Variants in HTT observed in about 807,000 individuals in gnomAD.
HTT encodes huntingtin.
A neutral mutation model predicts 362.3 loss-of-function variants in HTT; 104 were observed. The ratio of observed to expected loss-of-function variants is 0.29; its 90% CI spans 0.24 to 0.34. The LOEUF (loss-of-function observed/expected upper bound fraction) is 0.34. HTT is among the 10% of genes least tolerant of loss of function. The probability of loss-of-function intolerance (pLI) is 1.00; values close to 1 mark genes in which losing one functional copy is unlikely to be tolerated. For missense variants in HTT, 3,301 were observed against 3,928.6 expected (o/e 0.84, Z 4.27); for synonymous variants, 1,577 against 1,548.7 (o/e 1.02, Z -0.43).
chr4:3,155,540 A>G (rs1346844889), intron 27 of HTT, among the ~76,000 whole-genome samples: 2 of 150,800 alleles, frequency 1.3e-5, no homozygotes, highest in Non-Finnish European at 3.0e-5. Context: ...ATTTATTTTT[A>G]ATTGACAAAA....
At chr4:3,192,319 C>T (rs1173227406) in intron 40 of HTT, among the ~76,000 whole-genome samples, 2 of 152,256 alleles carry the variant, frequency 1.3e-5, no homozygotes, top group East Asian at 3.9e-4. Context: ...TTCAGGCGAT[C>T]CTCCTGCCTC....
intron 41 of HTT, among the ~76,000 whole-genome samples, chr4:3,201,529 C>CAAAAAAA (rs925357780): frequency 3.2e-5 from 2 of 61,682 alleles, no homozygotes; most frequent in South Asian, 5.9e-4. Flanking sequence ...GACTCCATCT[C>CAAAAAAA]AAAAAAAAAA....
At chr4:3,182,221 G>T in intron 36 of HTT, 133 bp from the exon 37 acceptor site, 1 of 623,296 alleles carries the variant, frequency 1.6e-6, no homozygotes, top group Non-Finnish European at 2.9e-6. Flanking sequence ...GTGTCCCCCT[G>T]TCCTCGCTGG....
intron 39 of HTT, 101 bp downstream of exon 39, chr4:3,187,987 C>T (rs1718846569): frequency 1.5e-6 from 1 of 688,976 alleles, no homozygotes. Context: ...TCTTGCTTCA[C>T]TTCTGAGTTG....
chr4:3,089,160 A>C (rs182792738), intron 2 of HTT, among the ~76,000 whole-genome samples: 71 of 152,346 alleles, frequency 4.7e-4, no homozygotes, highest in African/African-American at 1.7e-3. Context: ...CATGTGAAAC[A>C]CTGTGAAAAA....
chr4:3,116,010 C>A, intron 7 of HTT, 75 bp from the exon 8 acceptor site: 1 of 1,374,820 alleles, frequency 7.3e-7, no homozygotes, highest in Non-Finnish European at 1.0e-6. Context: ...AGGATCTCTT[C>A]TTTTTTAACA....
chr4:3,148,945 A>G (rs1165305156), intron 26 of HTT, among the ~76,000 whole-genome samples: 1 of 152,256 alleles, frequency 6.6e-6, no homozygotes, highest in Non-Finnish European at 1.5e-5. Flanking sequence ...TGACAGAGTC[A>G]GACTCTTTCC....
chr4:3,198,861 C>T (rs969036018), intron 40 of HTT, among the ~76,000 whole-genome samples: 2 of 152,188 alleles, frequency 1.3e-5, no homozygotes, highest in South Asian at 2.1e-4. Context: ...GCTCCATGGC[C>T]GGGCACAGAG....
chr4:3,171,438 G>T (rs145466571), intron 29 of HTT, among the ~76,000 whole-genome samples: 1 of 151,416 alleles, frequency 6.6e-6, no homozygotes, highest in South Asian at 2.1e-4. Flanking sequence ...GAATGGTGGC[G>T]CTCTTTGAGT....
At chr4:3,110,510 C>A (rs970990986) in intron 6 of HTT, among the ~76,000 whole-genome samples, 5 of 152,186 alleles carry the variant, frequency 3.3e-5, no homozygotes, top group Non-Finnish European at 7.4e-5. Context: ...GTTGGATGCC[C>A]AGTTCCTAGA....
intron 8 of HTT, among the ~76,000 whole-genome samples, chr4:3,116,895 GA>G (rs1282704451): frequency 2.0e-5 from 3 of 152,118 alleles, no homozygotes; most frequent in Non-Finnish European, 4.4e-5. Context: ...TGGATTTTTT[GA>G]ACTTTACTTA....
intron 53 of HTT, 89 bp from the exon 54 acceptor site, chr4:3,222,298 G>A: frequency 1.9e-6 from 2 of 1,065,932 alleles, no homozygotes; most frequent in Admixed American, 1.9e-5. Context: ...GCCTTCTCCA[G>A]GGGCCGTGCT....
At chr4:3,140,446 G>T (rs188515115) in intron 21 of HTT, 64 bp from the exon 22 acceptor site, 10 of 1,434,214 alleles carry the variant, frequency 7.0e-6, no homozygotes, top group African/African-American at 1.4e-5. Flanking sequence ...CAGGGAGGAG[G>T]GTGGTCTATC....
At position 3,206,385 on chromosome 4, in the gene HTT, A is replaced by G; in HGVS notation, c.5719-111A>G. ...ACACTGTATATTTTTAGTGAGGTTTATATTTGGGATGTGTTTTCTCCTTCT... is the reference window on the plus strand; with the variant it reads ...ACACTGTATATTTTTAGTGAGGTTTGTATTTGGGATGTGTTTTCTCCTTCT... On this transcript the variant is annotated intron_variant, in intron 42 of 66. Coordinates refer to ENST00000355072, the MANE Select transcript of HTT (RefSeq NM_001388492.1). This position sits in a 1 kb window ranked among gnomAD's most constrained non-coding sequence, Gnocchi z 4.6. 1 of 777,306 alleles carries G rather than the reference A, an allele frequency of 1.3e-6. No homozygotes were observed. Among genetic ancestry groups the G allele is most frequent in the Non-Finnish European group, 2.1e-6 (1 of 465,762 alleles). 48.2% of individuals were successfully genotyped at this position (777,306 alleles called of 1,614,324 possible).
chr4:3,242,226 T>A lies in HTT; in HGVS notation c.*2167T>A, dbSNP rs1235425635. ...ATCGCTGGGCTCAACATAGAGTTTG[T>A]CTTCCTCTTGTTTACGACGTGATCT... is the stretch of plus-strand genomic sequence containing the variant. On this transcript the variant is annotated 3_prime_UTR_variant, in exon 67 of 67. Transcript: ENST00000355072. 1 of 152,208 alleles carries A rather than the reference T, an allele frequency of 6.6e-6. No individual in the cohort carries two copies. The highest frequency in any genetic ancestry group is 2.4e-5 in the African/African-American group (1 of 41,442). 9.4% of individuals were successfully genotyped at this position (152,208 alleles called of 1,614,324 possible).
chr4:3,233,723 T>C (rs2237007), intron 61 of HTT, among the ~76,000 whole-genome samples: 69,393 of 152,096 alleles, frequency 0.46, 16,369 homozygotes, highest in African/African-American at 0.55. Flanking sequence ...CCTGGCCCAG[T>C]ACCTCCCTCT....
intron 6 of HTT, among the ~76,000 whole-genome samples, chr4:3,111,960 CCT>C (rs909016660): frequency 1.3e-5 from 2 of 152,180 alleles, no homozygotes; most frequent in African/African-American, 4.8e-5. Context: ...CCTACCCTCC[CCT>C]GTCCCCAGCA....
chr4:3,212,827 C>T (rs1048802735), intron 49 of HTT, 118 bp downstream of exon 49: 33 of 1,055,212 alleles, frequency 3.1e-5, no homozygotes, highest in Non-Finnish European at 4.2e-5. Context: ...AGTCACTTTT[C>T]CATCTCAGCC....
rs753638130 is a variant in HTT at position 3,083,582 on chromosome 4, CACACAT to C, written c.264-3355_264-3350del. On this transcript the variant is annotated intron_variant, in intron 1 of 66. Coordinates refer to ENST00000355072, the MANE Select transcript of HTT (RefSeq NM_001388492.1). Reference sequence around the variant, plus strand: ...ACACACACACACACACACACACACACACACATATATATGTATATATATGCATTTAGA... The same window carrying C: ...ACACACACACACACACACACACACACATATATGTATATATATGCATTTAGA... 7.8e-3 allele frequency among the ~76,000 whole-genome samples: 987 copies of C among 126,214 alleles called. 29 individuals are homozygous for C. The highest frequency in any genetic ancestry group is 0.028 in the East Asian group (117 of 4,188). 82.8% of individuals were successfully genotyped at this position (126,214 alleles called of 152,430 possible).
Sources: gnomAD v4.1 joint callset for allele counts (sites outside exome capture counted in the v4.1 genomes callset) on GRCh38, gnomAD v4.1.1 for gene constraint, Gnocchi (gnomAD v3.1) non-coding constraint, MANE v1.5 for transcripts, NCBI Gene and HGNC (gene_info 2026-07-23, HGNC 2026-07-21) for gene names.